ATRN: variants seen among roughly 807,000 people sequenced by gnomAD.
The protein encoded by ATRN is attractin-2.
Under a neutral mutation model 178.7 loss-of-function variants are expected in ATRN, and 54 were observed. The ratio of observed to expected loss-of-function variants is 0.30; its 90% CI spans 0.24 to 0.38. The LOEUF (loss-of-function observed/expected upper bound fraction) is 0.38, where lower values mean the gene tolerates loss of function less well. Ranked by LOEUF, ATRN falls within the 10% of genes least tolerant of loss-of-function variation. The pLI is 1.00. For synonymous variants in ATRN, 636 were observed against 663.0 expected, an observed-to-expected ratio of 0.96 and a Z score of 0.63; for missense variants, 1,443 against 1,815.1, an observed-to-expected ratio of 0.79 and a Z score of 3.73.
intron 18 of ATRN, among the ~76,000 whole-genome samples, chr20:3,589,836 C>T (rs2146269538): frequency 1.3e-5 from 2 of 152,294 alleles, no homozygotes; most frequent in East Asian, 3.9e-4. Context: ...ACCTGGGTGG[C>T]TGGGTGCAAT....
In ATRN at chr20:3,512,105, ATAT is replaced by A. The variant is rs1336283063; in HGVS notation, c.411-23146_411-23144del. On this transcript the variant is annotated intron_variant, in intron 1 of 28. Transcript: ENST00000262919. Reference sequence around the variant, plus strand: ...TTCTTTTATATATATATATATATATATATTTTTTTTTTTTATTATACTTTAAGT... The same window carrying A: ...TTCTTTTATATATATATATATATATATTTTTTTTTTTATTATACTTTAAGT... Among the ~76,000 whole-genome samples the A allele has an allele frequency of 6.9e-3, 777 of 113,386 alleles. 8 individuals are homozygous for A. Among genetic ancestry groups the A allele is most frequent in the African/African-American group, 0.03 (727 of 23,900 alleles). 74.4% of individuals were successfully genotyped at this position (113,386 alleles called of 152,430 possible).
chr20:3,480,932 C>G (rs2084611669), intron 1 of ATRN, among the ~76,000 whole-genome samples: 1 of 152,134 alleles, frequency 6.6e-6, no homozygotes, highest in African/African-American at 2.4e-5. Flanking sequence ...ATTTCCAAAA[C>G]TGAAATGAAA....
At chr20:3,563,989 T>A (rs929320848) in intron 10 of ATRN, among the ~76,000 whole-genome samples, 9 of 152,218 alleles carry the variant, frequency 5.9e-5, no homozygotes, top group African/African-American at 2.2e-4. Context: ...ACTGTCTTCA[T>A]CTTGTAAGAC....
intron 23 of ATRN, among the ~76,000 whole-genome samples, chr20:3,602,833 C>T (rs1272718351): frequency 2.0e-5 from 3 of 151,618 alleles, no homozygotes; most frequent in South Asian, 4.2e-4. Context: ...TGTGGTGGGG[C>T]GTGCCTGTAA....
At chr20:3,559,270 G>A (rs1470233409) in intron 6 of ATRN, 123 bp from the exon 7 acceptor site, 2 of 727,706 alleles carry the variant, frequency 2.7e-6, no homozygotes, top group Admixed American at 2.1e-5. Context: ...AAGGTGACAA[G>A]TGCCCCCCTA....
In ATRN at chr20:3,554,484, T is replaced by C. The variant is rs1488637586; in HGVS notation, c.1113-4909T>C. On this transcript the variant is annotated intron_variant, in intron 6 of 28. Coordinates refer to ENST00000262919, the MANE Select transcript of ATRN (RefSeq NM_139321.3). ...CCGAGTAGCTGGGACTACAGGGGCC[T>C]GCCACCACGCCCAGTTAATTTTTTG... Among the ~76,000 whole-genome samples, 130 of 151,690 alleles carry C rather than the reference T, an allele frequency of 8.6e-4. 1 individual carries two copies. Among genetic ancestry groups the C allele is most frequent in the Middle Eastern group, 6.8e-3 (2 of 294 alleles).
At chr20:3,581,278 A>G (rs967850885) in intron 15 of ATRN, among the ~76,000 whole-genome samples, 2 of 152,218 alleles carry the variant, frequency 1.3e-5, no homozygotes, top group Non-Finnish European at 2.9e-5. Flanking sequence ...AGGGAAATAC[A>G]GTATATCTTT....
intron 1 of ATRN, among the ~76,000 whole-genome samples, chr20:3,477,162 G>A (rs1373600325): frequency 9.3e-6 from 1 of 107,430 alleles, no homozygotes; most frequent in African/African-American, 4.4e-5. Flanking sequence ...TTTCCCCAGT[G>A]CAATGTAAGT....
At position 3,471,375 on chromosome 20, in the gene ATRN, G is replaced by A; in HGVS notation, c.268G>A (p.Val90Met). ...EAEAAAAAAA[V>M]SGSAAAEAKE... ...CGAGGCCGCGGCGGCGGCGGCGGCG[G>A]TGTCGGGCTCAGCCGCAGCCGAGGC... Residue 90 changes from valine (V) to methionine (M), a missense_variant, in exon 1 of 29, where the codon GTG (valine) becomes ATG (methionine). Coordinates refer to ENST00000262919, the MANE Select transcript of ATRN (RefSeq NM_139321.3). The A allele has an allele frequency of 1.3e-6, 2 of 1,484,518 alleles. No homozygotes were observed. Among genetic ancestry groups the A allele is most frequent in the South Asian group, 1.3e-5 (1 of 77,668 alleles). The allele number at this position is 1,484,518 out of a possible 1,614,324, so 92.0% of individuals were successfully genotyped here.
chr20:3,551,172 A>G (rs1486107748), intron 6 of ATRN, among the ~76,000 whole-genome samples: 1 of 152,180 alleles, frequency 6.6e-6, no homozygotes, highest in African/African-American at 2.4e-5. Context: ...GAACACCTAG[A>G]ATACTATGCT....
intron 21 of ATRN, among the ~76,000 whole-genome samples, chr20:3,597,689 C>T (rs1048810259): frequency 4.6e-5 from 7 of 152,162 alleles, no homozygotes; most frequent in Admixed American, 2.0e-4. Flanking sequence ...TATGCTGAAA[C>T]TGGACAACTG....
At chr20:3,611,538 T>C (rs2086766108) in intron 24 of ATRN, among the ~76,000 whole-genome samples, 1 of 152,116 alleles carries the variant, frequency 6.6e-6, no homozygotes, top group Admixed American at 6.6e-5. Flanking sequence ...GGTCAGGAGT[T>C]CAAGACCAGC....
At chr20:3,481,831 G>C (rs1285519746) in intron 1 of ATRN, among the ~76,000 whole-genome samples, 3 of 112,064 alleles carry the variant, frequency 2.7e-5, no homozygotes, top group Non-Finnish European at 5.2e-5. Context: ...GACATTAAAA[G>C]TATACAATTA....
intron 20 of ATRN, among the ~76,000 whole-genome samples, chr20:3,594,826 C>T (rs2086502258): frequency 6.6e-6 from 1 of 152,144 alleles, no homozygotes; most frequent in African/African-American, 2.4e-5. Context: ...ACTGACATTT[C>T]CTGGGTTGTC....
intron 5 of ATRN, among the ~76,000 whole-genome samples, chr20:3,547,897 G>T (rs1424838092): frequency 6.6e-6 from 1 of 150,594 alleles, no homozygotes; most frequent in Non-Finnish European, 1.5e-5. Flanking sequence ...GTTATCTACA[G>T]AAATAATTAA....
chr20:3,618,775 A>G (rs1227267549), intron 24 of ATRN, among the ~76,000 whole-genome samples: 16 of 152,238 alleles, frequency 1.1e-4, no homozygotes, highest in Admixed American at 1.0e-3. Flanking sequence ...GGTGATGGTC[A>G]TATGGATCTG....
In ATRN at chr20:3,651,017, G is replaced by A. The variant is rs1901480236; in HGVS notation, c.*4170G>A. The A allele has an allele frequency of 6.6e-6, 1 of 152,526 alleles. No homozygotes were observed. The highest frequency in any genetic ancestry group is 2.4e-5 in the African/African-American group (1 of 41,434). The allele number at this position is 152,526 out of a possible 1,614,324, so 9.4% of individuals were successfully genotyped here. A position where few individuals can be genotyped will look rare whatever the true frequency, so the allele number is the denominator to read the frequency against. ...AAGCAGGAACAAGAGAACTAAGGGA[G>A]GTCTGTGCATTTTAAACACAAATGT... On this transcript the variant is annotated 3_prime_UTR_variant, in exon 29 of 29. Coordinates refer to ENST00000262919, the MANE Select transcript of ATRN (RefSeq NM_139321.3).
Position 3,591,294 on chromosome 20 carries a change from G to A in ATRN, c.3310G>A (p.Gly1104Arg), listed in dbSNP as rs747549712. 6 of 1,613,588 alleles carry A rather than the reference G, an allele frequency of 3.7e-6. No homozygotes were observed. In the Admixed American group the frequency reaches 8.3e-5, roughly 22 times the overall value. Residue 1104 changes from glycine to arginine, a missense_variant, in exon 19 of 29, where the codon GGG (glycine) becomes AGG (arginine). Physicochemically the swap from Gly to Arg is moderately radical, Grantham distance 125. This residue lies in a region of ATRN where 289 missense variants were observed against 440.8 expected (regional missense o/e 0.66). Coordinates refer to ENST00000262919, the MANE Select transcript of ATRN (RefSeq NM_139321.3). Reference protein sequence around the residue: ...SGFYGDPTNGGKCQPCKCNGH... With the variant: ...SGFYGDPTNGRKCQPCKCNGH... ...CTTCTACGGTGATCCCACCAATGGA[G>A]GGAAATGTCAGCGTAAGTCAAATTG...
At chr20:3,566,518 G>A (rs906659139) in intron 11 of ATRN, among the ~76,000 whole-genome samples, 15 of 152,072 alleles carry the variant, frequency 9.9e-5, no homozygotes, top group Admixed American at 8.5e-4. Flanking sequence ...ATGTTTAAGC[G>A]TTATAATGCC....
Sources: gnomAD v4.1 joint callset for allele counts (sites outside exome capture counted in the v4.1 genomes callset) on GRCh38, gnomAD v4.1.1 for gene constraint, gnomAD v4.1.1 regional missense constraint, MANE v1.5 for transcripts, NCBI Gene and HGNC (gene_info 2026-07-23, HGNC 2026-07-21) for gene names.